Variants in MAP3K20 observed in about 807,000 individuals in gnomAD.
MAP3K20 encodes HCCS-4.
A neutral mutation model predicts 85.7 loss-of-function variants in MAP3K20; 40 were observed. The observed-to-expected ratio is 0.47, with a 90% confidence interval of 0.36 to 0.61. MAP3K20 has a LOEUF of 0.61. Ranked by LOEUF, MAP3K20 falls within the 20% of genes least tolerant of loss-of-function variation. The pLI is 0.00. For synonymous variants in MAP3K20, 325 were observed against 327.7 expected, an observed-to-expected ratio of 0.99 and a Z score of 0.09; for missense variants, 817 against 961.7, an observed-to-expected ratio of 0.85 and a Z score of 1.99.
intron 14 of MAP3K20, among the ~76,000 whole-genome samples, chr2:173,236,933 G>A (rs1559294014): frequency 6.6e-6 from 1 of 151,658 alleles, no homozygotes; most frequent in Non-Finnish European, 1.5e-5. Flanking sequence ...CACTGAGGAA[G>A]GCACAATTGT....
intron 2 of MAP3K20, among the ~76,000 whole-genome samples, chr2:173,137,885 A>G (rs1246550266): frequency 6.6e-6 from 1 of 152,170 alleles, no homozygotes; most frequent in African/African-American, 2.4e-5. Context: ...TTACCTAGCA[A>G]TTTCTTTCTA....
At chr2:173,219,726 AAAG>A (rs1484918242) in intron 11 of MAP3K20, among the ~76,000 whole-genome samples, 1 of 152,190 alleles carries the variant, frequency 6.6e-6, no homozygotes, top group Non-Finnish European at 1.5e-5. Flanking sequence ...GTTTTTCCCA[AAAG>A]AACAAGCTAC....
At chr2:173,155,667 T>G (rs17761097) in intron 2 of MAP3K20, among the ~76,000 whole-genome samples, 3,283 of 152,234 alleles carry the variant, frequency 0.022, 61 homozygotes, top group South Asian at 0.047. Context: ...CATAGAAAGG[T>G]AATTATTGGA....
chr2:173,241,536 G>A (rs1023121216), intron 16 of MAP3K20, among the ~76,000 whole-genome samples: 3 of 152,110 alleles, frequency 2.0e-5, no homozygotes, highest in Admixed American at 6.5e-5. Context: ...GATCACTTGA[G>A]CTCAGGAGGT....
intron 18 of MAP3K20, 150 bp downstream of exon 18, chr2:173,261,287 T>A: frequency 1.3e-6 from 1 of 744,600 alleles, no homozygotes; most frequent in South Asian, 1.9e-5. Flanking sequence ...CATAGGAAGA[T>A]CAATATAATT....
In MAP3K20 at chr2:173,110,572, G is replaced by A. The variant is rs774266163; in HGVS notation, c.159+19382G>A. Among the ~76,000 whole-genome samples the A allele has an allele frequency of 2.4e-4, 36 of 151,556 alleles. 1 individual carries two copies. The highest frequency in any genetic ancestry group is 3.4e-3 in the Middle Eastern group (1 of 294). On this transcript the variant is annotated intron_variant, in intron 2 of 19. Transcript: ENST00000375213. ...TTTGTAGTCTTCTATCCCTTGCCCC[G>A]CCCCTACTCTTTCCCCCAAATCCCC...
At chr2:173,103,431 T>C (rs1687692660) in intron 2 of MAP3K20, among the ~76,000 whole-genome samples, 1 of 152,188 alleles carries the variant, frequency 6.6e-6, no homozygotes, top group Admixed American at 6.5e-5. Context: ...ATCAAATTAA[T>C]TAATATTAAA....
At chr2:173,254,843 A>G (rs1685122933) in intron 16 of MAP3K20, among the ~76,000 whole-genome samples, 1 of 152,242 alleles carries the variant, frequency 6.6e-6, no homozygotes, top group Non-Finnish European at 1.5e-5. Context: ...TTTGTTAACT[A>G]GGCAACGATG....
Position 173,171,972 on chromosome 2 carries a change from C to A in MAP3K20, c.247+2080C>A, listed in dbSNP as rs1235132554. ...GAATGTATTGATTTGATATGATTAT[C>A]TTTGTTCCTAGAGATGTTAGTTTTA... On this transcript the variant is annotated intron_variant, in intron 3 of 19. Coordinates refer to ENST00000375213, the MANE Select transcript of MAP3K20 (RefSeq NM_016653.3). Among the ~76,000 whole-genome samples the A allele has an allele frequency of 2.6e-5, 4 of 152,178 alleles. No individual in the cohort carries two copies. The East Asian group carries it at 7.7e-4, about 29-fold the overall frequency.
chr2:173,179,324 G>A (rs888743226), intron 3 of MAP3K20, among the ~76,000 whole-genome samples: 9 of 151,464 alleles, frequency 5.9e-5, no homozygotes, highest in East Asian at 2.0e-4. Context: ...ACCTGGAGGC[G>A]GAGCTTGCAG....
rs543081628 is a variant in MAP3K20 at position 173,252,120 on chromosome 2, C to G, written c.1360-6579C>G. ...ATCTTATTTCTTTTTATTCCCTCACCTCTTCCCCCATTTTCTTCATTCCCT... is the reference window on the plus strand; with the variant it reads ...ATCTTATTTCTTTTTATTCCCTCACGTCTTCCCCCATTTTCTTCATTCCCT... On this transcript the variant is annotated intron_variant, in intron 16 of 19. Coordinates refer to ENST00000375213, the MANE Select transcript of MAP3K20 (RefSeq NM_016653.3). Among the ~76,000 whole-genome samples, 4 of 152,206 alleles carry G rather than the reference C, an allele frequency of 2.6e-5. No individual in the cohort carries two copies. In the East Asian group the frequency reaches 7.7e-4, roughly 29 times the overall value.
At chr2:173,250,657 G>A (rs1426087293) in intron 16 of MAP3K20, among the ~76,000 whole-genome samples, 1 of 152,206 alleles carries the variant, frequency 6.6e-6, no homozygotes, top group Non-Finnish European at 1.5e-5. Context: ...AATTATGTAT[G>A]ATTCTTCATC....
Position 173,266,769 on chromosome 2 carries a change from T to C in MAP3K20, c.*19T>C. On this transcript the variant is annotated 3_prime_UTR_variant, in exon 20 of 20. Transcript: ENST00000375213. ...CTTTTGATGAATTGAACTACATAGC[T>C]TTTCTAAGCAGGTTAAAAAAAAAAA... The C allele has an allele frequency of 7.3e-7, 1 of 1,364,610 alleles. No homozygotes were observed. Among genetic ancestry groups the C allele is most frequent in the Non-Finnish European group, 9.6e-7 (1 of 1,043,514 alleles). The allele number at this position is 1,364,610 out of a possible 1,614,324, so 84.5% of individuals were successfully genotyped here.
intron 2 of MAP3K20, among the ~76,000 whole-genome samples, chr2:173,134,826 G>C (rs1477754900): frequency 6.6e-6 from 1 of 152,124 alleles, no homozygotes; most frequent in Admixed American, 6.5e-5. Context: ...GGATCTTACA[G>C]TCAAACTGGG....
At chr2:173,229,560 A>C in intron 11 of MAP3K20, 129 bp from the exon 12 acceptor site, 1 of 1,174,860 alleles carries the variant, frequency 8.5e-7, no homozygotes, top group Non-Finnish European at 1.2e-6. Context: ...TTTTCCATTC[A>C]ACCCAACCTG....
At chr2:173,178,128 C>G (rs564288859) in intron 3 of MAP3K20, among the ~76,000 whole-genome samples, 14 of 152,004 alleles carry the variant, frequency 9.2e-5, no homozygotes, top group African/African-American at 2.9e-4. Context: ...ATTTGACAAG[C>G]CTTTAACTAG....
intron 2 of MAP3K20, among the ~76,000 whole-genome samples, chr2:173,128,263 A>G (rs865878707): frequency 1.2e-4 from 18 of 152,160 alleles, no homozygotes; most frequent in Non-Finnish European, 2.4e-4. Flanking sequence ...GAGTTTATGC[A>G]TCTGTAAAAG....
At chr2:173,239,658 C>G (rs1684735663) in intron 16 of MAP3K20, among the ~76,000 whole-genome samples, 162 bp downstream of exon 16, 2 of 152,298 alleles carry the variant, frequency 1.3e-5, no homozygotes, top group Middle Eastern at 3.4e-3. Context: ...CTGCCAGCTG[C>G]CTCTGTAATC....
intron 2 of MAP3K20, among the ~76,000 whole-genome samples, chr2:173,134,892 C>T (rs1296983107): frequency 2.0e-5 from 3 of 151,516 alleles, no homozygotes; most frequent in East Asian, 1.9e-4. Context: ...AGTGTGGATT[C>T]GGGCGTCAGA....
Sources: gnomAD v4.1 joint callset for allele counts (sites outside exome capture counted in the v4.1 genomes callset) on GRCh38, gnomAD v4.1.1 for gene constraint, MANE v1.5 for transcripts, NCBI Gene and HGNC (gene_info 2026-07-23, HGNC 2026-07-21) for gene names.